CCDC77: variants seen among roughly 807,000 people sequenced by gnomAD.
CCDC77 encodes coiled-coil domain-containing protein 77.
A neutral mutation model predicts 66.8 loss-of-function variants in CCDC77; 56 were observed. The ratio of observed to expected loss-of-function variants is 0.84; its 90% CI spans 0.68 to 1.05. The LOEUF is 1.05. CCDC77 is among the 50% of genes least tolerant of loss of function. CCDC77 has a pLI of 0.00. For missense variants in CCDC77, 570 were observed against 576.8 expected, an observed-to-expected ratio of 0.99 and a Z score of 0.12; for synonymous variants, 196 against 195.2, an observed-to-expected ratio of 1.00 and a Z score of -0.03.
At chr12:398,825 T>C (rs1042417084), upstream of CCDC77, among the ~76,000 whole-genome samples, 2 of 151,944 alleles carry the variant, frequency 1.3e-5, no homozygotes, top group Non-Finnish European at 2.9e-5. Flanking sequence ...AGTGGCACAA[T>C]CTCGGCTCAC....
intron 9 of CCDC77, among the ~76,000 whole-genome samples, chr12:434,368 T>G (rs1453465889): frequency 6.6e-6 from 1 of 151,200 alleles, no homozygotes; most frequent in African/African-American, 2.4e-5. Context: ...TTTTTTTTTT[T>G]TGGAGACTAA....
intron 4 of CCDC77, among the ~76,000 whole-genome samples, chr12:416,485 G>A (rs1360377179): frequency 7.1e-6 from 1 of 140,816 alleles, no homozygotes; most frequent in African/African-American, 2.6e-5. Context: ...TGCCATCTCA[G>A]CTCCCTGCAA....
chr12:392,973 T>A (rs1731223245), intron 1 of CCDC77, among the ~76,000 whole-genome samples: 1 of 151,742 alleles, frequency 6.6e-6, no homozygotes, highest in Non-Finnish European at 1.5e-5. Flanking sequence ...CTTTTTTTTT[T>A]AACATTTGGC....
At position 418,815 on chromosome 12, in the gene CCDC77, C is replaced by T; in HGVS notation, c.413+179C>T. 6.5e-6 allele frequency: 4 copies of T among 611,106 alleles called. No individual in the cohort carries two copies. In the South Asian group the frequency reaches 7.8e-5, roughly 12 times the overall value. 37.9% of individuals were successfully genotyped at this position (611,106 alleles called of 1,614,324 possible). On this transcript the variant is annotated intron_variant, in intron 5 of 12. Coordinates refer to ENST00000239830, the MANE Select transcript of CCDC77 (RefSeq NM_032358.4). ...CCTGGTTCCAGCGATTCTCATGCCT[C>T]AGCCTCTCGAGTAGCTGGGAACACA...
In CCDC77 at chr12:438,482, G is replaced by C; in HGVS notation, c.969G>C (p.Lys323Asn). The C allele has an allele frequency of 6.2e-7, 1 of 1,614,080 alleles. No homozygotes were observed. Among genetic ancestry groups the C allele is most frequent in the Non-Finnish European group, 8.5e-7 (1 of 1,179,954 alleles). Reference sequence around the variant, plus strand: ...AGCAATATAGGGTGCAGTGTAAGAAGAAAGAAGATAAAATTGGAAAAGTGT... The same window carrying C: ...AGCAATATAGGGTGCAGTGTAAGAACAAAGAAGATAAAATTGGAAAAGTGT... The part of the protein sequence containing the change: ...KIKQYRVQCK[K>N]KEDKIGKVLP... The change falls in exon 10 of 13, where the codon AAG becomes AAC. Residue 323 changes from lysine to asparagine, a missense_variant. By Grantham distance (94) the Lys-to-Asn change is moderately conservative. Coordinates refer to ENST00000239830, the MANE Select transcript of CCDC77 (RefSeq NM_032358.4).
chr12:413,762 G>A (rs1036743506), intron 4 of CCDC77, among the ~76,000 whole-genome samples: 1 of 151,304 alleles, frequency 6.6e-6, no homozygotes, highest in African/African-American at 2.4e-5. Context: ...CGAGTAGCTG[G>A]GATTACAGGT....
intron 5 of CCDC77, among the ~76,000 whole-genome samples, chr12:422,896 G>C (rs1329060228): frequency 2.0e-5 from 3 of 152,128 alleles, no homozygotes; most frequent in Non-Finnish European, 4.4e-5. Flanking sequence ...TTACAGGTGT[G>C]TGCTACTGTG....
exon 1 of CCDC77, chr12:389,452 T>G: frequency 6.9e-6 from 3 of 436,030 alleles, no homozygotes; most frequent in Admixed American, 3.6e-5. Context: ...GCCAAAGTTC[T>G]GCCCAGTCCA....
chr12:438,450 A>G lies in CCDC77; in HGVS notation c.937A>G (p.Lys313Glu). 4 of 1,614,050 alleles carry G rather than the reference A, an allele frequency of 2.5e-6. No homozygotes were observed. Among genetic ancestry groups the G allele is most frequent in the Non-Finnish European group, 3.4e-6 (4 of 1,179,898 alleles). ...GCTTGAAAAAGATAATTTGATGTCA[A>G]AGATTAAGCAATATAGGGTGCAGTG... ...WMLEKDNLMS[K>E]IKQYRVQCKK... Residue 313 changes from lysine to glutamate, a missense_variant, in exon 10 of 13, where the codon AAG becomes GAG. By Grantham distance (56) the Lys-to-Glu change is moderately conservative. Transcript: ENST00000239830.
upstream of CCDC77, among the ~76,000 whole-genome samples, chr12:399,027 C>T (rs1944863781): frequency 6.6e-6 from 1 of 152,110 alleles, no homozygotes; most frequent in South Asian, 2.1e-4. Flanking sequence ...GCTGGGTTTA[C>T]AGGTGTGAGA....
At chr12:397,464 T>TG (rs1221977080), upstream of CCDC77, among the ~76,000 whole-genome samples, 1 of 152,100 alleles carries the variant, frequency 6.6e-6, no homozygotes, top group Non-Finnish European at 1.5e-5. Context: ...AGGCATAACT[T>TG]GGAGATATTG....
chr12:432,696 G>A (rs567777609), intron 8 of CCDC77, among the ~76,000 whole-genome samples: 6 of 152,316 alleles, frequency 3.9e-5, no homozygotes, highest in South Asian at 2.1e-4. Context: ...GCTGGGTTTC[G>A]TTTGGACAAA....
In CCDC77 at chr12:423,310, T is replaced by TATA. The variant is rs1159786957; in HGVS notation, c.413+4674_413+4675insATA. On this transcript the variant is annotated intron_variant, in intron 5 of 12. Transcript: ENST00000239830. Reference sequence around the variant, plus strand: ...AGCTAATTTTTATATATATATATATTTTTTTTTTTTGTGGAGACAAGGTTT... The same window carrying TATA: ...AGCTAATTTTTATATATATATATATTATATTTTTTTTTTGTGGAGACAAGGTTT... 1.9e-4 allele frequency among the ~76,000 whole-genome samples: 15 copies of TATA among 78,640 alleles called. No homozygotes were observed. The South Asian group carries it at 4.8e-3, about 25-fold the overall frequency. 51.6% of individuals were successfully genotyped at this position (78,640 alleles called of 152,430 possible).
At chr12:417,815 T>A (rs934896651) in intron 4 of CCDC77, among the ~76,000 whole-genome samples, 3 of 151,644 alleles carry the variant, frequency 2.0e-5, no homozygotes, top group Non-Finnish European at 4.4e-5. Flanking sequence ...GACAGAAGAA[T>A]CACTTGAACC....
intron 2 of CCDC77, among the ~76,000 whole-genome samples, chr12:406,988 T>C (rs1034707194): frequency 2.0e-5 from 3 of 152,124 alleles, no homozygotes; most frequent in African/African-American, 7.2e-5. Context: ...TAAGAGACCG[T>C]TGTCGTCATC....
intron 10 of CCDC77, among the ~76,000 whole-genome samples, chr12:440,197 A>G (rs989381275): frequency 7.2e-5 from 11 of 152,236 alleles, no homozygotes; most frequent in African/African-American, 2.2e-4. Flanking sequence ...GTTGTGTGAA[A>G]TAAGTAACAT....
chr12:433,121 A>G (rs1232415200), intron 8 of CCDC77, 53 bp from the exon 9 acceptor site: 5 of 1,554,340 alleles, frequency 3.2e-6, no homozygotes, highest in Non-Finnish European at 4.4e-6. Context: ...TCCTAGAGGT[A>G]TGAAGTAAGT....
chr12:411,919 G>A lies in CCDC77; in HGVS notation c.211G>A (p.Ala71Thr). The change falls in exon 4 of 13, where the codon GCA becomes ACA. Residue 71 changes from alanine (A) to threonine (T), a missense_variant. Physicochemically the swap from Ala to Thr is moderately conservative, Grantham distance 58. Transcript: ENST00000239830. ...TCAAAAGAAGATGGCTGAGTGTGAG[G>A]CAGAAAATGAGGACTTGCTGAAGAA... ...YYQKKMAECEAENEDLLKKLE... is the reference protein window; with the variant it reads ...YYQKKMAECETENEDLLKKLE... The A allele has an allele frequency of 1.2e-6, 2 of 1,614,070 alleles. No homozygotes were observed. The highest frequency in any genetic ancestry group is 8.5e-7 in the Non-Finnish European group (1 of 1,180,016).
At chr12:429,702 G>A (rs562802057) in intron 6 of CCDC77, among the ~76,000 whole-genome samples, 16 of 151,982 alleles carry the variant, frequency 1.1e-4, no homozygotes, top group African/African-American at 3.6e-4. Flanking sequence ...CAAGCAGTCC[G>A]CCCACCTTGG....
Sources: gnomAD v4.1 joint callset for allele counts (sites outside exome capture counted in the v4.1 genomes callset) on GRCh38, gnomAD v4.1.1 for gene constraint, MANE v1.5 for transcripts, NCBI Gene and HGNC (gene_info 2026-07-23, HGNC 2026-07-21) for gene names.